Variants in CDH12 observed in about 807,000 individuals in gnomAD.
CDH12 encodes the protein cadherin-12.
Under a neutral mutation model 74.1 loss-of-function variants are expected in CDH12, and 41 were observed. The observed-to-expected ratio is 0.55, with a 90% CI of 0.43 to 0.72. CDH12 has a LOEUF of 0.72. Among genes scored for constraint, CDH12 ranks in the 30% least tolerant of loss-of-function variants. CDH12 has a pLI of 0.00. For missense variants in CDH12, 945 were observed against 977.2 expected (o/e 0.97, Z 0.44); for synonymous variants, 399 against 355.0 (o/e 1.12, Z -1.39).
In CDH12 at chr5:21,908,595, T is replaced by A. The variant is rs1164058897; in HGVS notation, c.527-53805A>T. Among the ~76,000 whole-genome samples the A allele has an allele frequency of 2.6e-5, 4 of 152,334 alleles. No homozygotes were observed. The East Asian group carries it at 7.7e-4, about 29-fold the overall frequency. On this transcript the variant is annotated intron_variant, in intron 6 of 14. Transcript: ENST00000382254. ...CTGAACACACATATTTCAAGCCTGT[T>A]TGGGTCATATCTCTTAATATCTCAT...
intron 1 of CDH12, among the ~76,000 whole-genome samples, chr5:22,768,382 T>A (rs1746631508): frequency 1.3e-5 from 2 of 152,074 alleles, no homozygotes; most frequent in African/African-American, 2.4e-5. Flanking sequence ...GGAGAGTTTA[T>A]TATATTCCAG....
chr5:22,526,573 A>C (rs1737292075), intron 1 of CDH12, among the ~76,000 whole-genome samples: 1 of 152,196 alleles, frequency 6.6e-6, no homozygotes, highest in Non-Finnish European at 1.5e-5. Flanking sequence ...AAATGAAAAC[A>C]CATCTGGTGC....
At chr5:21,871,397 A>C (rs866226042) in intron 6 of CDH12, among the ~76,000 whole-genome samples, 5 of 152,194 alleles carry the variant, frequency 3.3e-5, no homozygotes, top group Non-Finnish European at 4.4e-5. Context: ...AGGAATTATA[A>C]TAGAGTTTTC....
At chr5:22,847,552 T>A (rs1480197765) in intron 1 of CDH12, among the ~76,000 whole-genome samples, 1 of 152,332 alleles carries the variant, frequency 6.6e-6, no homozygotes, top group African/African-American at 2.4e-5. Context: ...CTATTAATGT[T>A]AATTTCCTCT....
In CDH12 at chr5:22,423,968, A is replaced by G. The variant is rs1310282948; in HGVS notation, c.-427-18617T>C. 6.7e-5 allele frequency among the ~76,000 whole-genome samples: 9 copies of G among 134,374 alleles called. No individual in the cohort carries two copies. In the East Asian group the frequency reaches 1.7e-3, roughly 25 times the overall value. 88.2% of individuals were successfully genotyped at this position (134,374 alleles called of 152,430 possible). On this transcript the variant is annotated intron_variant, in intron 2 of 14. Coordinates refer to ENST00000382254, the MANE Select transcript of CDH12 (RefSeq NM_004061.5). ...CAGTGAGCCGAGATCCCGCCACTGC[A>G]CTCCAGCCTGGGCGACAGAGCGAGA...
At position 22,046,382 on chromosome 5, in the gene CDH12, A is replaced by C. The variant is rs573054250; in HGVS notation, c.231+32064T>G. On this transcript the variant is annotated intron_variant, in intron 5 of 14. Coordinates refer to ENST00000382254, the MANE Select transcript of CDH12 (RefSeq NM_004061.5). Reference sequence around the variant, plus strand: ...TTTTCATTCTTGTCTGGGCAGATATAATAGCTACTACCTTTATAAATTGAG... The same window carrying C: ...TTTTCATTCTTGTCTGGGCAGATATCATAGCTACTACCTTTATAAATTGAG... 1.2e-3 allele frequency among the ~76,000 whole-genome samples: 181 copies of C among 151,834 alleles called. 1 individual carries two copies. Among genetic ancestry groups the C allele is most frequent in the African/African-American group, 4.1e-3 (169 of 41,358 alleles).
At chr5:22,257,973 G>A (rs1421027577) in intron 3 of CDH12, among the ~76,000 whole-genome samples, 2 of 151,942 alleles carry the variant, frequency 1.3e-5, no homozygotes, top group Admixed American at 6.6e-5. Flanking sequence ...AAGTAAAAAT[G>A]TTACAGTAAG....
At chr5:21,916,898 T>C (rs748353246) in intron 6 of CDH12, among the ~76,000 whole-genome samples, 6 of 152,266 alleles carry the variant, frequency 3.9e-5, no homozygotes, top group Non-Finnish European at 7.4e-5. Context: ...ACGTAGGCTC[T>C]CTATCTGTGG....
At chr5:22,766,528 A>G (rs1009430893) in intron 1 of CDH12, among the ~76,000 whole-genome samples, 1 of 152,062 alleles carries the variant, frequency 6.6e-6, no homozygotes, top group Admixed American at 6.6e-5. Context: ...ATTTCATTGT[A>G]TTTAAAACAG....
At chr5:22,017,432 T>G (rs1737674793) in intron 5 of CDH12, among the ~76,000 whole-genome samples, 1 of 152,094 alleles carries the variant, frequency 6.6e-6, no homozygotes, top group South Asian at 2.1e-4. Flanking sequence ...CTATGAAAAC[T>G]TCAATCCAGC....
At chr5:22,828,931 G>T (rs1489473362) in intron 1 of CDH12, among the ~76,000 whole-genome samples, 1 of 152,004 alleles carries the variant, frequency 6.6e-6, no homozygotes, top group Non-Finnish European at 1.5e-5. Flanking sequence ...TATGCTAATG[G>T]AAAAGTTATT....
Position 22,190,804 on chromosome 5 carries a change from A to C in CDH12, c.-187+21694T>G, listed in dbSNP as rs142995517. On this transcript the variant is annotated intron_variant, in intron 4 of 14. Transcript: ENST00000382254. ...TTGACTTCAATTAATCTTCTCAATG[A>C]AAGGATCAATCAGCTCCGTAAATCA... 4.2e-3 allele frequency among the ~76,000 whole-genome samples: 647 copies of C among 152,262 alleles called. 7 individuals are homozygous for C. The highest frequency in any genetic ancestry group is 0.014 in the African/African-American group (600 of 41,542).
intron 2 of CDH12, among the ~76,000 whole-genome samples, chr5:22,483,770 A>ATATATCTATATATATATATAT (rs1400461763): frequency 9.9e-6 from 1 of 101,028 alleles, no homozygotes; most frequent in Non-Finnish European, 2.0e-5. Flanking sequence ...ATATAAATTT[A>ATATATCTATATATATATATAT]ATTAATTGGG....
At chr5:22,206,882 G>A (rs1751251650) in intron 4 of CDH12, among the ~76,000 whole-genome samples, 1 of 151,146 alleles carries the variant, frequency 6.6e-6, no homozygotes, top group Non-Finnish European at 1.5e-5. Flanking sequence ...TCTCTCCAGA[G>A]ACAGACATTT....
intron 1 of CDH12, among the ~76,000 whole-genome samples, chr5:22,601,036 C>T (rs1228778575): frequency 6.6e-6 from 1 of 152,040 alleles, no homozygotes; most frequent in Admixed American, 6.6e-5. Flanking sequence ...TTTTATTGCA[C>T]ACTTGACATT....
intron 6 of CDH12, among the ~76,000 whole-genome samples, chr5:21,950,828 C>A (rs1420005967): frequency 6.7e-6 from 1 of 149,288 alleles, no homozygotes; most frequent in East Asian, 2.0e-4. Flanking sequence ...CTCTGTCACC[C>A]AGGCTGGAGT....
intron 6 of CDH12, among the ~76,000 whole-genome samples, chr5:21,940,075 TA>T (rs1162431523): frequency 6.6e-6 from 1 of 151,446 alleles, no homozygotes; most frequent in Non-Finnish European, 1.5e-5. Flanking sequence ...AATAAATAAA[TA>T]AATAAACAGG....
At chr5:22,306,495 C>T (rs1036790570) in intron 3 of CDH12, among the ~76,000 whole-genome samples, 2 of 151,494 alleles carry the variant, frequency 1.3e-5, no homozygotes, top group Non-Finnish European at 2.9e-5. Context: ...AAACAACCCA[C>T]TTGCTAAAAA....
At chr5:22,151,970 C>T (rs1056199605) in intron 4 of CDH12, 2 of 152,020 alleles carry the variant, frequency 1.3e-5, no homozygotes, top group African/African-American at 2.4e-5. Flanking sequence ...TTCACGTTAT[C>T]AGTGCAGTTC....
Sources: gnomAD v4.1 joint callset for allele counts (sites outside exome capture counted in the v4.1 genomes callset) on GRCh38, gnomAD v4.1.1 for gene constraint, MANE v1.5 for transcripts, NCBI Gene and HGNC (gene_info 2026-07-23, HGNC 2026-07-21) for gene names.